FANCA: variants seen among roughly 807,000 people sequenced by gnomAD.
The protein encoded by FANCA is FA complementation group A.
FANCA carries 236 observed loss-of-function variants against 194.3 expected under a neutral mutation model. The observed-to-expected ratio is 1.21, with a 90% CI of 1.09 to 1.35. FANCA has a LOEUF of 1.35. Ranked by LOEUF, FANCA falls within the 40% of genes most tolerant of loss-of-function variation. The pLI is 0.00. For synonymous variants in FANCA, 1,014 were observed against 715.8 expected, an observed-to-expected ratio of 1.42 and a Z score of -6.65; for missense variants, 2,628 against 1,813.9, an observed-to-expected ratio of 1.45 and a Z score of -8.15.
chr16:89,737,651 A>C lies in FANCA; in HGVS notation c.*950T>G, dbSNP rs1339141649. On this transcript the variant is annotated 3_prime_UTR_variant, in exon 43 of 43. Coordinates refer to ENST00000389301, the MANE Select transcript of FANCA (RefSeq NM_000135.4). Reference sequence around the variant, plus strand: ...ATAAAGCAGTTTAAAGATCTTAATAAACGAGGCCCTCATAGGCCCCTTGCT... The same window carrying C: ...ATAAAGCAGTTTAAAGATCTTAATACACGAGGCCCTCATAGGCCCCTTGCT... 4 of 1,422,202 alleles carry C rather than the reference A, an allele frequency of 2.8e-6. No individual in the cohort carries two copies. The African/African-American group carries it at 4.3e-5, about 15-fold the overall frequency. The allele number at this position is 1,422,202 out of a possible 1,614,324, so 88.1% of individuals were successfully genotyped here.
intron 20 of FANCA, chr16:89,778,361 G>T: frequency 2.7e-6 from 1 of 370,862 alleles, no homozygotes; most frequent in Admixed American, 3.8e-5. Flanking sequence ...AGCTACTCAG[G>T]AGGCTGAGGC....
intron 17 of FANCA, among the ~76,000 whole-genome samples, chr16:89,781,777 A>G (rs2039716300): frequency 6.6e-6 from 1 of 152,002 alleles, no homozygotes; most frequent in South Asian, 2.1e-4. Context: ...AGACGGGCGG[A>G]TCACGAGGTC....
At chr16:89,783,135 G>C (rs1168865554) in intron 15 of FANCA, 33 bp from the exon 16 acceptor site, 3 of 1,534,496 alleles carry the variant, frequency 2.0e-6, no homozygotes, top group South Asian at 2.2e-5. Flanking sequence ...AGCACCGTTA[G>C]TCTGGGAACT....
intron 35 of FANCA, 114 bp from the exon 36 acceptor site, chr16:89,745,185 C>T (rs1012540981): frequency 2.0e-6 from 2 of 991,356 alleles, no homozygotes; most frequent in African/African-American, 1.6e-5. Context: ...CCCACACTCG[C>T]CCTGCGCTCT....
At chr16:89,814,745 A>G in intron 2 of FANCA, 132 bp from the exon 3 acceptor site, 1 of 677,696 alleles carries the variant, frequency 1.5e-6, no homozygotes, top group South Asian at 1.5e-5. Context: ...GTTCGAGACC[A>G]GCCTGGCCAA....
chr16:89,752,223 C>G lies in FANCA; in HGVS notation c.2982-1G>C, dbSNP rs1555540076. The G allele has an allele frequency of 6.2e-6, 10 of 1,612,800 alleles. No homozygotes were observed. Among genetic ancestry groups the G allele is most frequent in the Non-Finnish European group, 8.5e-6 (10 of 1,178,974 alleles). ...TTCTGAGTGGTCATAACTCCTTGAG[C>G]TGAAATGAAAATACAATAAAATCCT... is the stretch of plus-strand genomic sequence containing the variant. On this transcript the variant is annotated splice_acceptor_variant, in intron 30 of 42. Coordinates refer to ENST00000389301, the MANE Select transcript of FANCA (RefSeq NM_000135.4). LOFTEE classifies it high-confidence loss of function.
Position 89,767,178 on chromosome 16 carries a change from G to GT in FANCA, c.2563dup (p.Thr855AsnfsTer12). 6.2e-7 allele frequency: 1 copy of GT among 1,613,828 alleles called. No individual in the cohort carries two copies. Among genetic ancestry groups the GT allele is most frequent in the East Asian group, 2.2e-5 (1 of 44,888 alleles). ...GCCTGGAGATAAGCAGCTGCACAAA[G>GT]TATCTCGTGACTGGGAAGAAAACTT... On this transcript the variant is annotated frameshift_variant, in exon 27 of 43. Coordinates refer to ENST00000389301, the MANE Select transcript of FANCA (RefSeq NM_000135.4). LOFTEE classifies it high-confidence loss of function.
intron 31 of FANCA, among the ~76,000 whole-genome samples, chr16:89,751,564 A>G (rs1402513988): frequency 6.6e-6 from 1 of 152,140 alleles, no homozygotes; most frequent in Non-Finnish European, 1.5e-5. Flanking sequence ...GCATCTGGCT[A>G]AGGAGTTGGG....
intron 35 of FANCA, 97 bp from the exon 36 acceptor site, chr16:89,745,168 C>T (rs2143089548): frequency 8.6e-7 from 1 of 1,164,418 alleles, no homozygotes; most frequent in East Asian, 2.6e-5. Context: ...CTACAGGCCA[C>T]TACAGGCCCA....
At chr16:89,777,593 T>C (rs1220733187) in intron 20 of FANCA, among the ~76,000 whole-genome samples, 3 of 151,632 alleles carry the variant, frequency 2.0e-5, no homozygotes, top group Non-Finnish European at 4.4e-5. Context: ...AAAAAGGCTC[T>C]TTGTGTTTAT....
chr16:89,815,013 T>C (rs1210484135), intron 2 of FANCA, among the ~76,000 whole-genome samples: 2 of 152,208 alleles, frequency 1.3e-5, no homozygotes, highest in Non-Finnish European at 1.5e-5. Flanking sequence ...AACCTGTGTG[T>C]AAGTAATGCT....
rs749315540 is a variant in FANCA, at chr16:89,738,619, C to T, written c.4350G>A (p.Gln1450=). The T allele has an allele frequency of 3.7e-6, 6 of 1,613,622 alleles. No individual in the cohort carries two copies. The highest frequency in any genetic ancestry group is 5.1e-6 in the Non-Finnish European group (6 of 1,180,042). The change falls in exon 43 of 43, where the codon CAG becomes CAA. Residue 1450 remains glutamine, a synonymous_variant. Coordinates refer to ENST00000389301, the MANE Select transcript of FANCA (RefSeq NM_000135.4). ...QQAAPDADLS[Q]EPHLF is the part of the protein sequence containing the mutation. ...GGTCCCGTCAGAAGAGATGAGGCTC[C>T]TGGGACAGGTCAGCGTCAGGGGCAG...
intron 3 of FANCA, among the ~76,000 whole-genome samples, chr16:89,811,311 A>G (rs1299847804): frequency 6.6e-6 from 1 of 152,246 alleles, no homozygotes; most frequent in South Asian, 2.1e-4. Flanking sequence ...GGTATTTGTT[A>G]CGTTTCCCAT....
chr16:89,797,696 T>C (rs189312519), intron 10 of FANCA, among the ~76,000 whole-genome samples: 68 of 152,270 alleles, frequency 4.5e-4, no homozygotes, highest in South Asian at 1.9e-3. Context: ...CTGACCAATA[T>C]AGTGAAACCC....
At chr16:89,784,504 G>A (rs778757962) in intron 15 of FANCA, among the ~76,000 whole-genome samples, 1 of 151,042 alleles carries the variant, frequency 6.6e-6, no homozygotes, top group Non-Finnish European at 1.5e-5. Context: ...ACTGGGTGCT[G>A]AGAACGTCTC....
At chr16:89,794,675 T>A (rs2040184557) in intron 11 of FANCA, among the ~76,000 whole-genome samples, 1 of 152,204 alleles carries the variant, frequency 6.6e-6, no homozygotes, top group African/African-American at 2.4e-5. Flanking sequence ...GAGCCATCTG[T>A]GTATCCCTCA....
chr16:89,814,166 G>T (rs1392907675), intron 3 of FANCA, among the ~76,000 whole-genome samples: 1 of 152,152 alleles, frequency 6.6e-6, no homozygotes, highest in Non-Finnish European at 1.5e-5. Context: ...GGAGAAGGAG[G>T]TACCTAGAAA....
At chr16:89,767,910 T>C (rs1411615790) in intron 26 of FANCA, among the ~76,000 whole-genome samples, 2 of 152,194 alleles carry the variant, frequency 1.3e-5, no homozygotes, top group Non-Finnish European at 2.9e-5. Flanking sequence ...GGTCTCGAAC[T>C]GCTGACCTCA....
chr16:89,802,097 T>A (rs2040476304), intron 8 of FANCA, among the ~76,000 whole-genome samples: 1 of 152,128 alleles, frequency 6.6e-6, no homozygotes, highest in Admixed American at 6.5e-5. Flanking sequence ...ACGTGGTATA[T>A]ACACACAACG....
Sources: gnomAD v4.1 joint callset for allele counts (sites outside exome capture counted in the v4.1 genomes callset) on GRCh38, gnomAD v4.1.1 for gene constraint, MANE v1.5 for transcripts, NCBI Gene and HGNC (gene_info 2026-07-23, HGNC 2026-07-21) for gene names.